Variants in LIX1L observed in about 807,000 individuals in gnomAD.
LIX1L encodes the protein limb and CNS expressed 1 like, also known as LIX1-like protein.
In LIX1L, 20 loss-of-function variants were observed where a neutral mutation model predicts 34.0. The ratio of observed to expected loss-of-function variants is 0.59; its 90% CI spans 0.41 to 0.85. The LOEUF (loss-of-function observed/expected upper bound fraction) is 0.85, where lower values mean the gene tolerates loss of function less well. LIX1L is among the 40% of genes least tolerant of loss of function. The pLI is 0.00. For synonymous variants in LIX1L, 170 were observed against 187.4 expected (o/e 0.91, Z 0.76); for missense variants, 397 against 447.0 (o/e 0.89, Z 1.01).
chr1:145,957,768 G>C lies in LIX1L; in HGVS notation c.160C>G (p.Pro54Ala). ...GGGGCCCCAGACAGGAGCAGCGGCG[G>C]CGGGGGCGGTGCGGGAGGCGGCGGG... The part of the protein sequence containing the change: ...PAPPPPAPPP[P>A]PLLLSGAPGL... The change falls in exon 1 of 6, where the codon CCG becomes GCG. Residue 54 changes from proline to alanine, a missense_variant. Around this residue, in one of 3 missense-constraint regions of LIX1L, gnomAD observed 207 missense variants for 205.2 expected, o/e 1.01. Coordinates refer to ENST00000604000, the MANE Select transcript of LIX1L (RefSeq NM_153713.3). 1 of 1,351,506 alleles carries C rather than the reference G, an allele frequency of 7.4e-7. No homozygotes were observed. The highest frequency in any genetic ancestry group is 9.4e-7 in the Non-Finnish European group (1 of 1,060,530). The allele number at this position is 1,351,506 out of a possible 1,614,324, so 83.7% of individuals were successfully genotyped here. A position where few individuals can be genotyped will look rare whatever the true frequency, so the allele number is the denominator to read the frequency against.
chr1:145,957,601 G>T, intron 1 of LIX1L, 35 bp downstream of exon 1: 1 of 1,468,956 alleles, frequency 6.8e-7, no homozygotes, highest in East Asian at 2.8e-5. Context: ...CCCTTACAGA[G>T]GGTGTCGCGC....
chr1:145,955,363 CAT>C (rs587758358), intron 1 of LIX1L, among the ~76,000 whole-genome samples: 41 of 152,198 alleles, frequency 2.7e-4, no homozygotes, highest in South Asian at 1.0e-3. Flanking sequence ...TGATAGCCCA[CAT>C]GAGTGAAGGT....
At chr1:145,951,041 AAGCAAGGAATTTAT>A (rs1649280736) in intron 1 of LIX1L, among the ~76,000 whole-genome samples, 1 of 152,166 alleles carries the variant, frequency 6.6e-6, no homozygotes, top group Non-Finnish European at 1.5e-5. Context: ...CAGTTCCTGC[AAGCAAGGAATTTAT>A]TTTATTTTTG....
chr1:145,954,054 C>T (rs1423971997), intron 1 of LIX1L, among the ~76,000 whole-genome samples: 1 of 150,678 alleles, frequency 6.6e-6, no homozygotes, highest in African/African-American at 2.5e-5. Flanking sequence ...AGCGAGATTC[C>T]ATTTCTTAAA....
rs1165669517 is a variant in LIX1L at position 145,935,791 on chromosome 1, CAA to C, written c.*517_*518del. 2 of 156,778 alleles carry C rather than the reference CAA, an allele frequency of 1.3e-5. No individual in the cohort carries two copies. The highest frequency in any genetic ancestry group is 4.8e-5 in the African/African-American group (2 of 41,802). 9.7% of individuals were successfully genotyped at this position (156,778 alleles called of 1,614,324 possible). A position where few individuals can be genotyped will look rare whatever the true frequency, so the allele number is the denominator to read the frequency against. ...TAAGGTAGGGAAGGAAGCCTCAAAACAAAGTGGCAATTTGGAGGCAGAGAAGG... is the reference window on the plus strand; with the variant it reads ...TAAGGTAGGGAAGGAAGCCTCAAAACAGTGGCAATTTGGAGGCAGAGAAGG... On this transcript the variant is annotated 3_prime_UTR_variant, in exon 6 of 6. Transcript: ENST00000604000.
Position 145,936,418 on chromosome 1 carries a change from C to T in LIX1L, c.906G>A (p.Leu302=), listed in dbSNP as rs1158808228. The change falls in exon 6 of 6, where the codon CTG becomes CTA. Residue 302 remains leucine, a synonymous_variant. Transcript: ENST00000604000. ...CCTTGCCTGCCAGTCGGGCTTCATC[C>T]AGCTCCCGCTCAGTAGAGGCCAGCT... The part of the protein sequence containing the change: ...SRELASTERE[L]DEARLAGKEL... The T allele has an allele frequency of 6.2e-7, 1 of 1,614,178 alleles. No individual in the cohort carries two copies. Among genetic ancestry groups the T allele is most frequent in the Non-Finnish European group, 8.5e-7 (1 of 1,180,042 alleles).
At chr1:145,949,973 GC>G (rs1303238148) in intron 1 of LIX1L, among the ~76,000 whole-genome samples, 2 of 151,830 alleles carry the variant, frequency 1.3e-5, no homozygotes, top group Non-Finnish European at 2.9e-5. Context: ...ATGCCACCAC[GC>G]CCGTCTAATT....
In LIX1L at chr1:145,947,704, A is replaced by T. The variant is rs1314315626; in HGVS notation, c.371T>A (p.Val124Glu). 1 of 1,614,116 alleles carries T rather than the reference A, an allele frequency of 6.2e-7. No homozygotes were observed. Among genetic ancestry groups the T allele is most frequent in the Non-Finnish European group, 8.5e-7 (1 of 1,180,024 alleles). ...GTTGGAGGGAACCATCTCATAAACC[A>T]CTAGAGCCCCATTCTTTAAGTCAGC... The part of the protein sequence containing the change: ...RGADLKNGAL[V>E]VYEMVPSNSP... The change falls in exon 2 of 6, where the codon GTG becomes GAG. Residue 124 changes from valine (V) to glutamate (E), a missense_variant. Coordinates refer to ENST00000604000, the MANE Select transcript of LIX1L (RefSeq NM_153713.3).
intron 3 of LIX1L, among the ~76,000 whole-genome samples, 196 bp from the exon 4 acceptor site, chr1:145,937,895 AGGTG>A (rs1648724187): frequency 6.6e-6 from 1 of 152,224 alleles, no homozygotes; most frequent in African/African-American, 2.4e-5. Context: ...TGGGAGGCCA[AGGTG>A]GGCAGATCAC....
chr1:145,957,380 G>T (rs1261795917), intron 1 of LIX1L, among the ~76,000 whole-genome samples: 1 of 152,214 alleles, frequency 6.6e-6, no homozygotes, highest in African/African-American at 2.4e-5. Context: ...AAGGAGAAAA[G>T]CTTAGGAAGA....
chr1:145,938,387 T>C lies in LIX1L; in HGVS notation c.598-688A>G, dbSNP rs114445089. On this transcript the variant is annotated intron_variant, in intron 3 of 5. Coordinates refer to ENST00000604000, the MANE Select transcript of LIX1L (RefSeq NM_153713.3). ...AGACACACTGTCCTGCATTCAAGCC[T>C]AGCATGTAAAAAAACCAATACAGCA... Among the ~76,000 whole-genome samples the C allele has an allele frequency of 4.2e-3, 646 of 152,148 alleles. 5 individuals carry two copies. The highest frequency in any genetic ancestry group is 0.013 in the African/African-American group (534 of 41,512).
intron 2 of LIX1L, among the ~76,000 whole-genome samples, chr1:145,946,616 A>G (rs1649121400): frequency 6.6e-6 from 1 of 152,156 alleles, no homozygotes; most frequent in Non-Finnish European, 1.5e-5. Flanking sequence ...CATGCAACAG[A>G]CGTATTATTT....
rs1161529939 is a variant in LIX1L, at chr1:145,948,036, T to TC, written c.293-255dup. On this transcript the variant is annotated intron_variant, in intron 1 of 5. Transcript: ENST00000604000. The surrounding 1 kb of genome is among the most constrained non-coding windows in gnomAD (Gnocchi z 4.0). ...ATTTTATTTTATTTAAATTTTTTTT[T>TC]CACTCCCACCTCCAATCTGAATAGT... 6.6e-6 allele frequency among the ~76,000 whole-genome samples: 1 copy of TC among 152,208 alleles called. No homozygotes were observed. The highest frequency in any genetic ancestry group is 1.9e-4 in the East Asian group (1 of 5,206).
At chr1:145,943,567 A>C (rs1553758921) in intron 2 of LIX1L, among the ~76,000 whole-genome samples, 1 of 152,248 alleles carries the variant, frequency 6.6e-6, no homozygotes, top group African/African-American at 2.4e-5. Context: ...TATCCAACAT[A>C]GGTATCATAG....
chr1:145,955,298 A>C (rs1649433986), intron 1 of LIX1L, among the ~76,000 whole-genome samples: 2 of 152,222 alleles, frequency 1.3e-5, no homozygotes, highest in African/African-American at 4.8e-5. Context: ...AGGACAGGAA[A>C]GCTTTTTAAA....
intron 1 of LIX1L, among the ~76,000 whole-genome samples, chr1:145,950,721 G>A (rs1177860701): frequency 1.3e-5 from 2 of 152,182 alleles, no homozygotes; most frequent in African/African-American, 4.8e-5. Flanking sequence ...TCATGCCAAA[G>A]GAATCCCATA....
intron 2 of LIX1L, among the ~76,000 whole-genome samples, chr1:145,946,200 CTTT>C (rs5777570): frequency 6.5e-5 from 9 of 138,016 alleles, no homozygotes; most frequent in Admixed American, 7.3e-5. Context: ...GACTGAAGTT[CTTT>C]TTTTTTTTTT....
At chr1:145,947,390 T>G in intron 2 of LIX1L, 1 of 543,372 alleles carries the variant, frequency 1.8e-6, no homozygotes, top group East Asian at 2.9e-5. Flanking sequence ...CAAGGGGATA[T>G]TCATAACTGC....
intron 2 of LIX1L, 125 bp downstream of exon 2, chr1:145,947,494 T>A: frequency 5.0e-6 from 5 of 996,012 alleles, no homozygotes; most frequent in Non-Finnish European, 6.0e-6. Flanking sequence ...CCAGAATAAT[T>A]TCCCCAGAAT....
Sources: gnomAD v4.1 joint callset for allele counts (sites outside exome capture counted in the v4.1 genomes callset) on GRCh38, gnomAD v4.1.1 for gene constraint, gnomAD v4.1.1 regional missense constraint, Gnocchi (gnomAD v3.1) non-coding constraint, MANE v1.5 for transcripts, NCBI Gene and HGNC (gene_info 2026-07-23, HGNC 2026-07-21) for gene names.